The following ZNF605 variants were observed in gnomAD, a reference collection of about 807,000 sequenced individuals.
ZNF605 encodes zinc finger protein 605.
ZNF605 carries 9 observed loss-of-function variants against 7.9 expected under a neutral mutation model. The ratio of observed to expected loss-of-function variants is 1.14; its 90% CI spans 0.68 to 1.98. ZNF605 has a LOEUF of 1.98. Among genes scored for constraint, ZNF605 ranks in the 30% most tolerant of loss-of-function variants. The probability of loss-of-function intolerance (pLI) is 0.00; values close to 1 mark genes in which losing one functional copy is unlikely to be tolerated. For synonymous variants in ZNF605, 255 were observed against 260.1 expected (o/e 0.98, Z 0.19); for missense variants, 673 against 762.4 (o/e 0.88, Z 1.38).
At chr12:132,939,295 C>T (rs1952406296) in intron 3 of ZNF605, among the ~76,000 whole-genome samples, 3 of 152,284 alleles carry the variant, frequency 2.0e-5, no homozygotes, top group Admixed American at 2.0e-4. Context: ...CTGTGTTTAG[C>T]TCAAGGTTTG....
chr12:132,951,422 C>T (rs984952295), intron 1 of ZNF605, among the ~76,000 whole-genome samples: 8 of 151,602 alleles, frequency 5.3e-5, no homozygotes, highest in South Asian at 2.1e-4. Flanking sequence ...CTCACAGACA[C>T]GTACACCCAC....
At position 132,926,186 on chromosome 12, in the gene ZNF605, A is replaced by C; in HGVS notation, c.1113T>G (p.Gly371=). ...GEKPYECNEC[G]EAFIRKPQLI... Reference sequence around the variant, plus strand: ...GCTGTGGTTTTCTGATGAAGGCTTCACCACATTCGTTGCATTCGTAGGGCT... The same window carrying C: ...GCTGTGGTTTTCTGATGAAGGCTTCCCCACATTCGTTGCATTCGTAGGGCT... Residue 371 remains glycine, a synonymous_variant, in exon 5 of 5, where the codon GGT becomes GGG. Transcript: ENST00000360187. 1 of 1,613,976 alleles carries C rather than the reference A, an allele frequency of 6.2e-7. No homozygotes were observed. The highest frequency in any genetic ancestry group is 8.5e-7 in the Non-Finnish European group (1 of 1,179,976).
chr12:132,939,865 C>T (rs1322314938), intron 3 of ZNF605, among the ~76,000 whole-genome samples: 1 of 138,340 alleles, frequency 7.2e-6, no homozygotes. Flanking sequence ...AGACCACGAG[C>T]CCACCGGGAG....
chr12:132,951,176 G>A (rs965750785), intron 1 of ZNF605, among the ~76,000 whole-genome samples: 17 of 148,982 alleles, frequency 1.1e-4, no homozygotes, highest in Non-Finnish European at 1.8e-4. Flanking sequence ...ATACACAGAC[G>A]TACACACAGA....
Position 132,925,868 on chromosome 12 carries a change from A to G in ZNF605, c.1431T>C (p.Tyr477=). The change falls in exon 5 of 5, where the codon TAT becomes TAC. Residue 477 remains tyrosine, a synonymous_variant. Transcript: ENST00000360187. ...HQRTHTGEKP[Y]ECSECRKTFS... ...AGGTTTTCCTGCATTCACTGCATTC[A>G]TAGGGTTTCTCACCTGTATGTGTTC... 2 of 1,614,140 alleles carry G rather than the reference A, an allele frequency of 1.2e-6. No individual in the cohort carries two copies. The highest frequency in any genetic ancestry group is 1.7e-6 in the Non-Finnish European group (2 of 1,179,998).
chr12:132,943,879 C>T (rs900509900), intron 3 of ZNF605, among the ~76,000 whole-genome samples: 3 of 152,062 alleles, frequency 2.0e-5, no homozygotes, highest in Non-Finnish European at 2.9e-5. Flanking sequence ...ACAGCATTGC[C>T]GGGAGGTGAG....
rs559306321 is a variant in ZNF605 at position 132,936,079 on chromosome 12, A to C, written c.16-2924T>G. The stretch of plus-strand genomic sequence containing the variant: ...CCATCTCAAAAAAAACCAAAAAAAA[A>C]CAAACAGGAGTGGTATAAAAGACTT... On this transcript the variant is annotated intron_variant, in intron 3 of 4. Transcript: ENST00000360187. Among the ~76,000 whole-genome samples, 787 of 152,064 alleles carry C rather than the reference A, an allele frequency of 5.2e-3. 5 individuals carry two copies. Among genetic ancestry groups the C allele is most frequent in the South Asian group, 0.017 (83 of 4,818 alleles).
In ZNF605 at chr12:132,932,288, T is replaced by C. The variant is rs1031419404; in HGVS notation, c.136+747A>G. 2.6e-4 allele frequency among the ~76,000 whole-genome samples: 39 copies of C among 152,278 alleles called. No homozygotes were observed. The East Asian group carries it at 6.9e-3, about 27-fold the overall frequency. On this transcript the variant is annotated intron_variant, in intron 4 of 4. Coordinates refer to ENST00000360187, the MANE Select transcript of ZNF605 (RefSeq NM_183238.4). ...ACTCTGTATCAGTGGGTTCATCTTC[T>C]ACTCTCTGTGGTTTTAAAATAGAAA...
chr12:132,947,320 T>G (rs1222814115), intron 2 of ZNF605, among the ~76,000 whole-genome samples: 2 of 151,442 alleles, frequency 1.3e-5, no homozygotes, highest in East Asian at 1.9e-4. Flanking sequence ...CGGCCACATT[T>G]TTTTCTTTGA....
chr12:132,943,519 G>T (rs1241476426), intron 3 of ZNF605, among the ~76,000 whole-genome samples: 3 of 152,080 alleles, frequency 2.0e-5, no homozygotes, highest in Non-Finnish European at 4.4e-5. Context: ...GCAGTCAGGG[G>T]TCGTGATCTC....
At chr12:132,945,155 G>A (rs1041369726) in intron 3 of ZNF605, 49 of 478,850 alleles carry the variant, frequency 1.0e-4, no homozygotes, top group Middle Eastern at 1.2e-3. Flanking sequence ...GTAGAGACGG[G>A]GTTTTGCCAT....
chr12:132,953,372 A>G (rs1237341480), intron 1 of ZNF605, among the ~76,000 whole-genome samples: 1 of 152,102 alleles, frequency 6.6e-6, no homozygotes, highest in East Asian at 1.9e-4. Flanking sequence ...CTGACCACAG[A>G]CTCCACAGAC....
In ZNF605 at chr12:132,925,330, A is replaced by G; in HGVS notation, c.*43T>C. On this transcript the variant is annotated 3_prime_UTR_variant, in exon 5 of 5. Transcript: ENST00000360187. ...ATCCTCAAAAGTGTCAGAAAGTATG[A>G]CACTTGATAGCAACCTTTCTGCATT... The G allele has an allele frequency of 7.0e-7, 1 of 1,429,342 alleles. No individual in the cohort carries two copies. The highest frequency in any genetic ancestry group is 9.5e-7 in the Non-Finnish European group (1 of 1,052,136). 88.5% of individuals were successfully genotyped at this position (1,429,342 alleles called of 1,614,324 possible).
At position 132,924,113 on chromosome 12, in the gene ZNF605, A is replaced by G. The variant is rs1194169986; in HGVS notation, c.*1260T>C. Reference sequence around the variant, plus strand: ...AATAGCTCTTTTAATATCCTTGTCTACTAATTCCATCACCTCTGTCTTTTC... The same window carrying G: ...AATAGCTCTTTTAATATCCTTGTCTGCTAATTCCATCACCTCTGTCTTTTC... On this transcript the variant is annotated 3_prime_UTR_variant, in exon 5 of 5. Coordinates refer to ENST00000360187, the MANE Select transcript of ZNF605 (RefSeq NM_183238.4). 1 of 152,042 alleles carries G rather than the reference A, an allele frequency of 6.6e-6. No homozygotes were observed. The highest frequency in any genetic ancestry group is 2.4e-5 in the African/African-American group (1 of 41,396). 9.4% of individuals were successfully genotyped at this position (152,042 alleles called of 1,614,324 possible). A position where few individuals can be genotyped will look rare whatever the true frequency, so the allele number is the denominator to read the frequency against.
intron 3 of ZNF605, among the ~76,000 whole-genome samples, chr12:132,937,688 A>G (rs1382756902): frequency 6.6e-6 from 1 of 152,220 alleles, no homozygotes; most frequent in African/African-American, 2.4e-5. Context: ...TTCCACTCCT[A>G]GGTGTTTACT....
intron 4 of ZNF605, among the ~76,000 whole-genome samples, chr12:132,930,284 T>C (rs1952294400): frequency 6.6e-6 from 1 of 152,240 alleles, no homozygotes. Flanking sequence ...TACTCCTGTC[T>C]TGGCCTCCCA....
At chr12:132,948,964 C>A (rs986528824) in intron 1 of ZNF605, among the ~76,000 whole-genome samples, 16 of 152,328 alleles carry the variant, frequency 1.1e-4, no homozygotes, top group Middle Eastern at 3.4e-3. Flanking sequence ...ACGCCTGGCA[C>A]CTGCAGGGAG....
At chr12:132,932,878 A>T in intron 4 of ZNF605, 157 bp downstream of exon 4, 1 of 1,376,782 alleles carries the variant, frequency 7.3e-7, no homozygotes, top group Non-Finnish European at 9.7e-7. Context: ...AGAATGTTTT[A>T]TTATAAAGGC....
Position 132,921,447 on chromosome 12 carries a change from T to C in ZNF605, c.*3926A>G, listed in dbSNP as rs988321289. ...GTCTATGGCAAAATAAAGGGGGGCA[T>C]GGGAGAATCCTGATGGTGGAAATCA... is the stretch of plus-strand genomic sequence containing the variant. On this transcript the variant is annotated 3_prime_UTR_variant, in exon 5 of 5. Coordinates refer to ENST00000360187, the MANE Select transcript of ZNF605 (RefSeq NM_183238.4). 6.6e-6 allele frequency: 1 copy of C among 152,194 alleles called. No individual in the cohort carries two copies. The highest frequency in any genetic ancestry group is 1.5e-5 in the Non-Finnish European group (1 of 68,036). 9.4% of individuals were successfully genotyped at this position (152,194 alleles called of 1,614,324 possible).
Sources: gnomAD v4.1 joint callset for allele counts (sites outside exome capture counted in the v4.1 genomes callset) on GRCh38, gnomAD v4.1.1 for gene constraint, MANE v1.5 for transcripts, NCBI Gene and HGNC (gene_info 2026-07-23, HGNC 2026-07-21) for gene names.